MYO5B: variants seen among roughly 807,000 people sequenced by gnomAD.
MYO5B encodes unconventional myosin-Vb.
A neutral mutation model predicts 229.3 loss-of-function variants in MYO5B; 143 were observed. That is an observed-to-expected ratio of 0.62 (90% confidence interval 0.54 to 0.72). The LOEUF is 0.72. MYO5B is among the 30% of genes least tolerant of loss of function. The pLI is 0.00. For synonymous variants in MYO5B, 918 were observed against 885.2 expected, an observed-to-expected ratio of 1.04 and a Z score of -0.66; for missense variants, 2,321 against 2,331.0, an observed-to-expected ratio of 1.00 and a Z score of 0.09.
At chr18:49,866,562 C>T (rs576196646) in intron 27 of MYO5B, among the ~76,000 whole-genome samples, 110 of 152,290 alleles carry the variant, frequency 7.2e-4, no homozygotes, top group African/African-American at 2.5e-3. Flanking sequence ...TGAGTTTGAA[C>T]CTTCTAGGTA....
At chr18:50,175,003 G>A (rs188456354) in intron 1 of MYO5B, among the ~76,000 whole-genome samples, 3 of 152,318 alleles carry the variant, frequency 2.0e-5, no homozygotes, top group Admixed American at 6.5e-5. Flanking sequence ...TGGATCTGTC[G>A]TTAATGAGAT....
intron 16 of MYO5B, among the ~76,000 whole-genome samples, chr18:49,933,715 G>C (rs1787523): frequency 1.3e-5 from 2 of 152,140 alleles, no homozygotes; most frequent in East Asian, 3.9e-4. Context: ...AGAATTCTCT[G>C]ACTCAATATG....
At chr18:50,151,839 T>C (rs569599603) in intron 1 of MYO5B, among the ~76,000 whole-genome samples, 1 of 152,246 alleles carries the variant, frequency 6.6e-6, no homozygotes, top group Admixed American at 6.5e-5. Context: ...CGTGGTGATC[T>C]TACCCATTTC....
chr18:49,879,510 G>A (rs1284749592), intron 23 of MYO5B: 4 of 241,538 alleles, frequency 1.7e-5, no homozygotes, highest in Non-Finnish European at 3.3e-5. Flanking sequence ...AAGGAAAGAA[G>A]GCAAATAGAG....
At chr18:50,119,391 C>G (rs1182952894) in intron 1 of MYO5B, among the ~76,000 whole-genome samples, 2 of 152,238 alleles carry the variant, frequency 1.3e-5, no homozygotes, top group African/African-American at 2.4e-5. Flanking sequence ...ACTCATTACA[C>G]CAACAGCTGC....
chr18:49,834,504 G>A (rs7244102), intron 39 of MYO5B, among the ~76,000 whole-genome samples: 11,595 of 152,196 alleles, frequency 0.076, 924 homozygotes, highest in East Asian at 0.29. Context: ...AAGGTCAGGC[G>A]CTCAGCCATC....
intron 1 of MYO5B, among the ~76,000 whole-genome samples, chr18:50,118,825 C>T (rs922148782): frequency 4.6e-5 from 7 of 152,004 alleles, no homozygotes; most frequent in African/African-American, 1.7e-4. Context: ...GGGGTTTCGC[C>T]GCGTTAGCCA....
chr18:49,906,748 C>G lies in MYO5B; in HGVS notation c.2203-118G>C, dbSNP rs2024904548. On this transcript the variant is annotated intron_variant, in intron 18 of 39. Coordinates refer to ENST00000285039, the MANE Select transcript of MYO5B (RefSeq NM_001080467.3). Reference sequence around the variant, plus strand: ...CTGGCCAGACTTCATGCACCCCTCTCTGTAGATGGACACAAAGTCTCAGCA... The same window carrying G: ...CTGGCCAGACTTCATGCACCCCTCTGTGTAGATGGACACAAAGTCTCAGCA... The G allele has an allele frequency of 3.5e-6, 3 of 860,728 alleles. No individual in the cohort carries two copies. The South Asian group carries it at 4.8e-5, about 14-fold the overall frequency. 53.3% of individuals were successfully genotyped at this position (860,728 alleles called of 1,614,324 possible).
intron 25 of MYO5B, chr18:49,876,401 C>T (rs1003185884): frequency 1.4e-4 from 33 of 227,938 alleles, no homozygotes; most frequent in South Asian, 7.6e-4. Flanking sequence ...GACTCCAATG[C>T]GTGGGGATAG....
chr18:49,824,418 T>G lies in MYO5B; in HGVS notation c.*2053A>C, dbSNP rs2144007251. The G allele has an allele frequency of 6.6e-6, 1 of 152,556 alleles. No homozygotes were observed. Among genetic ancestry groups the G allele is most frequent in the Admixed American group, 6.5e-5 (1 of 15,312 alleles). The allele number at this position is 152,556 out of a possible 1,614,324, so 9.5% of individuals were successfully genotyped here. Reference sequence around the variant, plus strand: ...TTTATTCTAATTGCCAAGCTTTTATTCAGTAAGCTCTTGGCACCTAGTGAT... The same window carrying G: ...TTTATTCTAATTGCCAAGCTTTTATGCAGTAAGCTCTTGGCACCTAGTGAT... On this transcript the variant is annotated 3_prime_UTR_variant, in exon 40 of 40. Transcript: ENST00000285039.
chr18:50,181,070 T>C (rs1438743355), intron 1 of MYO5B, among the ~76,000 whole-genome samples: 2 of 152,224 alleles, frequency 1.3e-5, no homozygotes, highest in Non-Finnish European at 2.9e-5. Flanking sequence ...CCATCCACTT[T>C]CAAAAGTGCA....
At chr18:49,901,053 T>C (rs1033067797) in intron 21 of MYO5B, among the ~76,000 whole-genome samples, 6 of 152,224 alleles carry the variant, frequency 3.9e-5, no homozygotes, top group Admixed American at 6.5e-5. Flanking sequence ...CAAAATTGTA[T>C]GAAGATCAAA....
intron 39 of MYO5B, among the ~76,000 whole-genome samples, chr18:49,831,028 A>G (rs2023913586): frequency 6.6e-6 from 1 of 152,044 alleles, no homozygotes; most frequent in African/African-American, 2.4e-5. Flanking sequence ...CAAGGGTGCC[A>G]AGTCCATTCA....
intron 1 of MYO5B, among the ~76,000 whole-genome samples, chr18:50,164,125 G>A (rs972957729): frequency 6.6e-6 from 1 of 152,154 alleles, no homozygotes; most frequent in Non-Finnish European, 1.5e-5. Flanking sequence ...TGATGCAGGA[G>A]TCAAAGACTA....
chr18:49,888,897 G>A (rs916993257), intron 22 of MYO5B, among the ~76,000 whole-genome samples: 3 of 152,224 alleles, frequency 2.0e-5, no homozygotes, highest in Non-Finnish European at 4.4e-5. Context: ...GTCCTGCTCT[G>A]ACAGGGCCTG....
At chr18:50,029,773 G>A (rs1322318452) in intron 4 of MYO5B, among the ~76,000 whole-genome samples, 1 of 152,202 alleles carries the variant, frequency 6.6e-6, no homozygotes, top group Non-Finnish European at 1.5e-5. Flanking sequence ...AACCACAGAG[G>A]TCAGAGAGTC....
intron 13 of MYO5B, 140 bp from the exon 14 acceptor site, chr18:49,953,483 C>T (rs926630741): frequency 2.7e-6 from 2 of 736,442 alleles, no homozygotes; most frequent in Admixed American, 4.0e-5. Flanking sequence ...ACTTAAAATG[C>T]AAACCCAATA....
At chr18:49,954,023 T>C (rs574357823) in intron 13 of MYO5B, among the ~76,000 whole-genome samples, 161 of 11,580 alleles carry the variant, frequency 0.014, 1 homozygote, top group Admixed American at 0.057. Flanking sequence ...TATGTATTTA[T>C]ATGTGTGTGT....
intron 17 of MYO5B, among the ~76,000 whole-genome samples, chr18:49,926,190 G>A (rs1036632039): frequency 2.0e-5 from 3 of 152,244 alleles, no homozygotes; most frequent in Non-Finnish European, 4.4e-5. Flanking sequence ...AAAGCTGCCC[G>A]GGTGTTGCAG....
Sources: gnomAD v4.1 joint callset for allele counts (sites outside exome capture counted in the v4.1 genomes callset) on GRCh38, gnomAD v4.1.1 for gene constraint, MANE v1.5 for transcripts, NCBI Gene and HGNC (gene_info 2026-07-23, HGNC 2026-07-21) for gene names.